The following SGCZ variants were observed in gnomAD, a reference collection of about 807,000 sequenced individuals.
The protein encoded by SGCZ is zeta-sarcoglycan.
A neutral mutation model predicts 41.3 loss-of-function variants in SGCZ; 40 were observed. The observed-to-expected ratio is 0.97, with a 90% CI of 0.75 to 1.26. The LOEUF is 1.26. Among genes scored for constraint, SGCZ ranks in the 50% most tolerant of loss-of-function variants. The pLI is 0.00. For synonymous variants in SGCZ, 206 were observed against 137.5 expected (o/e 1.50, Z -3.49); for missense variants, 552 against 369.8 (o/e 1.49, Z -4.04).
intron 2 of SGCZ, among the ~76,000 whole-genome samples, chr8:14,477,658 G>A (rs183723697): frequency 8.5e-5 from 13 of 152,208 alleles, no homozygotes; most frequent in Admixed American, 5.2e-4. Flanking sequence ...CCATGAAAAC[G>A]TTAGGTCTAA....
intron 1 of SGCZ, among the ~76,000 whole-genome samples, chr8:14,970,030 A>G (rs1056114090): frequency 6.6e-6 from 1 of 152,104 alleles, no homozygotes; most frequent in Non-Finnish European, 1.5e-5. Flanking sequence ...AATCATTTTA[A>G]TTATAGTCAT....
At chr8:15,109,076 C>T (rs1024700080) in intron 1 of SGCZ, among the ~76,000 whole-genome samples, 6 of 151,836 alleles carry the variant, frequency 4.0e-5, no homozygotes, top group African/African-American at 9.7e-5. Context: ...GGAAAGGATT[C>T]GAAAAACAAA....
chr8:15,202,785 G>A (rs1800931179), intron 1 of SGCZ, among the ~76,000 whole-genome samples: 1 of 152,090 alleles, frequency 6.6e-6, no homozygotes, highest in Non-Finnish European at 1.5e-5. Flanking sequence ...CAAGAACTTA[G>A]GCAGGCTCAC....
At chr8:14,592,505 A>G (rs10108368) in intron 1 of SGCZ, among the ~76,000 whole-genome samples, 35,196 of 151,916 alleles carry the variant, frequency 0.23, 4,180 homozygotes, top group Admixed American at 0.27. Context: ...CCAAGTTTTT[A>G]TGCTCAATTT....
Position 14,898,660 on chromosome 8 carries a change from G to A in SGCZ, c.39+338925C>T, listed in dbSNP as rs1330353580. On this transcript the variant is annotated intron_variant, in intron 1 of 7. Coordinates refer to ENST00000382080, the MANE Select transcript of SGCZ (RefSeq NM_139167.4). Reference sequence around the variant, plus strand: ...GCGAGAATCGAAAGGATTTGATAATGGATTATATCTGAGATGAGAAGAGTC... The same window carrying A: ...GCGAGAATCGAAAGGATTTGATAATAGATTATATCTGAGATGAGAAGAGTC... Among the ~76,000 whole-genome samples, 5 of 152,108 alleles carry A rather than the reference G, an allele frequency of 3.3e-5. 1 individual carries two copies. The East Asian group carries it at 9.6e-4, about 29-fold the overall frequency.
intron 1 of SGCZ, among the ~76,000 whole-genome samples, chr8:14,924,288 G>C (rs763438509): frequency 2.6e-5 from 4 of 152,134 alleles, no homozygotes; most frequent in Non-Finnish European, 2.9e-5. Context: ...TAGAAATGAA[G>C]TTTTTCACTC....
chr8:14,342,922 G>T (rs1200721059), intron 2 of SGCZ, among the ~76,000 whole-genome samples: 3 of 152,156 alleles, frequency 2.0e-5, no homozygotes, highest in Non-Finnish European at 2.9e-5. Context: ...AAGTGGTTTT[G>T]TGGGCTGGGC....
intron 1 of SGCZ, among the ~76,000 whole-genome samples, chr8:14,883,776 G>GTTTTTTTTTTT (rs1233614779): frequency 2.3e-5 from 2 of 86,026 alleles, no homozygotes; most frequent in African/African-American, 4.4e-5. Context: ...GCATCCTGTT[G>GTTTTTTTTTTT]TTTTTTTTTT....
intron 1 of SGCZ, among the ~76,000 whole-genome samples, chr8:14,786,577 A>T (rs1800773490): frequency 6.6e-6 from 1 of 152,120 alleles, no homozygotes; most frequent in Admixed American, 6.6e-5. Flanking sequence ...TTCAACTGAA[A>T]CAGCTAAGCT....
At chr8:15,097,780 AC>A in intron 1 of SGCZ, among the ~76,000 whole-genome samples, 1 of 119,282 alleles carries the variant, frequency 8.4e-6, no homozygotes, top group Non-Finnish European at 1.7e-5. Flanking sequence ...ATATATATAT[AC>A]GTGTATATAT....
chr8:14,129,619 T>C (rs1802973538), intron 5 of SGCZ, among the ~76,000 whole-genome samples: 1 of 151,534 alleles, frequency 6.6e-6, no homozygotes, highest in South Asian at 2.1e-4. Flanking sequence ...AAGAAAGACT[T>C]CAACAATCTA....
intron 1 of SGCZ, among the ~76,000 whole-genome samples, chr8:15,174,232 C>T (rs1799934495): frequency 6.6e-6 from 1 of 152,182 alleles, no homozygotes; most frequent in South Asian, 2.1e-4. Flanking sequence ...TAAACTGTTA[C>T]ATCATGTAGG....
intron 1 of SGCZ, among the ~76,000 whole-genome samples, chr8:15,195,527 C>A (rs1800694518): frequency 6.6e-6 from 1 of 152,162 alleles, no homozygotes; most frequent in African/African-American, 2.4e-5. Context: ...TTCTTGCTGT[C>A]ATCAGCCTCC....
At chr8:14,231,939 A>G (rs925569491) in intron 4 of SGCZ, among the ~76,000 whole-genome samples, 1 of 152,168 alleles carries the variant, frequency 6.6e-6, no homozygotes, top group African/African-American at 2.4e-5. Flanking sequence ...TTATGAGTAA[A>G]CATTTACTAA....
At chr8:14,227,006 CTAGTGTGCTTTAGGTAGCTGA>C in intron 4 of SGCZ, among the ~76,000 whole-genome samples, 1 of 152,164 alleles carries the variant, frequency 6.6e-6, no homozygotes, top group Admixed American at 6.6e-5. Flanking sequence ...CTATAATACT[CTAGTGTGCTTTAGGTAGCTGA>C]TAGATTTACT....
At chr8:14,929,261 G>A (rs574464398) in intron 1 of SGCZ, among the ~76,000 whole-genome samples, 1 of 152,150 alleles carries the variant, frequency 6.6e-6, no homozygotes, top group South Asian at 2.1e-4. Flanking sequence ...AAAGTACTGG[G>A]ATTACAGGCG....
intron 4 of SGCZ, among the ~76,000 whole-genome samples, chr8:14,232,073 T>C (rs1806591721): frequency 1.3e-5 from 2 of 152,024 alleles, no homozygotes; most frequent in East Asian, 3.9e-4. Flanking sequence ...AAACAAATTT[T>C]CAAAATTATT....
chr8:14,479,296 G>A (rs548641011), intron 2 of SGCZ, among the ~76,000 whole-genome samples: 8 of 151,814 alleles, frequency 5.3e-5, no homozygotes, highest in African/African-American at 1.2e-4. Context: ...AACGTTCAAC[G>A]GCAGGAAGCA....
intron 1 of SGCZ, among the ~76,000 whole-genome samples, chr8:14,677,856 A>C (rs1808324249): frequency 6.6e-6 from 1 of 152,202 alleles, no homozygotes; most frequent in South Asian, 2.1e-4. Flanking sequence ...ATAACATTGA[A>C]GGAGGAGAAC....
Sources: allele counts gnomAD v4.1 joint callset (sites outside exome capture counted in the v4.1 genomes callset), GRCh38; gene constraint gnomAD v4.1.1; transcripts MANE v1.5; gene names NCBI Gene and HGNC (gene_info 2026-07-23, HGNC 2026-07-21).